CDRT4: variants seen among roughly 807,000 people sequenced by gnomAD.
CDRT4 encodes the protein CMT1A duplicated region transcript 4, also known as CMT1A duplicated region transcript 4 protein.
For missense variants in CDRT4, 167 were observed against 193.1 expected, an observed-to-expected ratio of 0.87 and a Z score of 0.80; for synonymous variants, 64 against 69.6, an observed-to-expected ratio of 0.92 and a Z score of 0.40.
In CDRT4 at chr17:15,437,129, C is replaced by T. The variant is rs141267992; in HGVS notation, c.*644G>A. On this transcript the variant is annotated 3_prime_UTR_variant, in exon 4 of 4. Transcript: ENST00000619038. ...TTTCCAACACTCACAAAAGCAGCCT[C>T]ATGGGGGTCCCCTCAGAGACACCAA... The T allele has an allele frequency of 1.3e-5, 2 of 152,548 alleles. No homozygotes were observed. Among genetic ancestry groups the T allele is most frequent in the Non-Finnish European group, 2.9e-5 (2 of 68,238 alleles). The allele number at this position is 152,548 out of a possible 1,614,324, so 9.4% of individuals were successfully genotyped here.
In CDRT4 at chr17:15,437,686, T is replaced by G. The variant is rs1278775541; in HGVS notation, c.*87A>C. 1.5e-6 allele frequency: 2 copies of G among 1,322,832 alleles called. No individual in the cohort carries two copies. The highest frequency in any genetic ancestry group is 1.5e-5 in the African/African-American group (1 of 68,464). The allele number at this position is 1,322,832 out of a possible 1,614,324, so 81.9% of individuals were successfully genotyped here. A position where few individuals can be genotyped will look rare whatever the true frequency, so the allele number is the denominator to read the frequency against. On this transcript the variant is annotated 3_prime_UTR_variant, in exon 4 of 4. Transcript: ENST00000619038. ...GATTTAAAGGACACTGTCAAGTGAGTGGTAAATGGAGCTTAACTTTTGTAC... is the reference window on the plus strand; with the variant it reads ...GATTTAAAGGACACTGTCAAGTGAGGGGTAAATGGAGCTTAACTTTTGTAC...
At chr17:15,438,323 T>A in intron 3 of CDRT4, 123 bp from the exon 4 acceptor site, 2 of 817,630 alleles carry the variant, frequency 2.4e-6, no homozygotes, top group East Asian at 5.2e-5. Flanking sequence ...CCCCTTGTAT[T>A]CAGTAGGAAT....
intron 1 of CDRT4, among the ~76,000 whole-genome samples, chr17:15,465,711 C>T (rs1169073967): frequency 6.6e-6 from 1 of 152,208 alleles, no homozygotes; most frequent in Non-Finnish European, 1.5e-5. Context: ...ATATCACAAA[C>T]ACGGAGACAC....
intron 2 of CDRT4, among the ~76,000 whole-genome samples, chr17:15,442,704 A>G (rs1477372830): frequency 6.6e-6 from 1 of 152,192 alleles, no homozygotes; most frequent in Non-Finnish European, 1.5e-5. Flanking sequence ...TGATAGGACA[A>G]GTCTACGAAT....
intron 2 of CDRT4, among the ~76,000 whole-genome samples, chr17:15,445,724 G>A (rs905156071): frequency 6.6e-6 from 1 of 152,100 alleles, no homozygotes; most frequent in Non-Finnish European, 1.5e-5. Flanking sequence ...TCCCTATGCA[G>A]AAGAAAAAGC....
chr17:15,461,149 ATTTG>A (rs201701985), intron 1 of CDRT4, among the ~76,000 whole-genome samples: 1,730 of 152,182 alleles, frequency 0.011, 22 homozygotes, highest in Non-Finnish European at 0.017. Context: ...ATTATTTTAC[ATTTG>A]TTTGTTTATG....
chr17:15,457,554 A>G (rs920466122), intron 1 of CDRT4, among the ~76,000 whole-genome samples: 2 of 152,212 alleles, frequency 1.3e-5, no homozygotes, highest in African/African-American at 4.8e-5. Flanking sequence ...ACTGCCGTAA[A>G]CCTGTTTCTG....
intron 1 of CDRT4, among the ~76,000 whole-genome samples, chr17:15,465,937 T>C (rs1206004537): frequency 6.6e-6 from 1 of 151,962 alleles, no homozygotes; most frequent in African/African-American, 2.4e-5. Flanking sequence ...GCAGATCCAG[T>C]TGTTACAGGG....
At chr17:15,447,653 T>TA (rs1383002307) in intron 2 of CDRT4, among the ~76,000 whole-genome samples, 5 of 152,222 alleles carry the variant, frequency 3.3e-5, no homozygotes, top group African/African-American at 4.8e-5. Context: ...AATATTCAAT[T>TA]ACAAATATTA....
At chr17:15,441,700 C>T (rs1567608854) in intron 2 of CDRT4, among the ~76,000 whole-genome samples, 3 of 152,106 alleles carry the variant, frequency 2.0e-5, no homozygotes, top group Non-Finnish European at 2.9e-5. Flanking sequence ...TATTATAACA[C>T]ATCTAACAAA....
chr17:15,443,653 C>G, intron 2 of CDRT4: 1 of 373,516 alleles, frequency 2.7e-6, no homozygotes. Context: ...AGACCGTTCT[C>G]AGCAATCAGA....
At chr17:15,449,952 A>T (rs1454546384) in intron 2 of CDRT4, among the ~76,000 whole-genome samples, 2 of 152,162 alleles carry the variant, frequency 1.3e-5, no homozygotes, top group African/African-American at 2.4e-5. Flanking sequence ...TTTCTTATCC[A>T]GTCAACCATT....
chr17:15,453,698 C>T lies in CDRT4; in HGVS notation c.-129-613G>A, dbSNP rs571496865. Among the ~76,000 whole-genome samples the T allele has an allele frequency of 3.3e-5, 5 of 152,244 alleles. No homozygotes were observed. The South Asian group carries it at 1.0e-3, about 32-fold the overall frequency. ...TGATAGGAGAATTCACCAAAGTTCC[C>T]AAAACAGTAAAACTGCGTATTAAAC... On this transcript the variant is annotated intron_variant, in intron 1 of 3. Coordinates refer to ENST00000619038, the MANE Select transcript of CDRT4 (RefSeq NM_001204477.2).
intron 2 of CDRT4, among the ~76,000 whole-genome samples, chr17:15,447,091 A>G (rs1175609240): frequency 6.6e-6 from 1 of 152,108 alleles, no homozygotes; most frequent in Non-Finnish European, 1.5e-5. Flanking sequence ...TCCGCAATCC[A>G]GGTTTCCCGT....
intron 1 of CDRT4, among the ~76,000 whole-genome samples, chr17:15,455,115 G>A (rs1979430173): frequency 6.6e-6 from 1 of 152,072 alleles, no homozygotes. Context: ...AGAATGACAG[G>A]GACCACAGAG....
intron 2 of CDRT4, among the ~76,000 whole-genome samples, chr17:15,442,354 G>C (rs1207949401): frequency 6.6e-6 from 1 of 151,224 alleles, no homozygotes; most frequent in Non-Finnish European, 1.5e-5. Context: ...AGGTTGCAGT[G>C]AACCGGGATC....
At chr17:15,443,872 G>T in intron 2 of CDRT4, 1 of 612,538 alleles carries the variant, frequency 1.6e-6, no homozygotes, top group South Asian at 1.4e-5. Flanking sequence ...ATGATCAAGG[G>T]TGTCACACTG....
intron 3 of CDRT4, among the ~76,000 whole-genome samples, chr17:15,438,567 C>T (rs1194683546): frequency 1.3e-5 from 2 of 152,172 alleles, no homozygotes; most frequent in East Asian, 3.9e-4. Flanking sequence ...TGGAACAGTA[C>T]ACTTAGTGCT....
At chr17:15,465,042 CAT>C (rs1389555697) in intron 1 of CDRT4, among the ~76,000 whole-genome samples, 2 of 142,652 alleles carry the variant, frequency 1.4e-5, no homozygotes, top group Admixed American at 7.3e-5. Context: ...CACAGACACA[CAT>C]AACACAGACA....
Sources: gnomAD v4.1 joint callset for allele counts (sites outside exome capture counted in the v4.1 genomes callset) on GRCh38, gnomAD v4.1.1 for gene constraint, MANE v1.5 for transcripts, NCBI Gene and HGNC (gene_info 2026-07-23, HGNC 2026-07-21) for gene names.